The following TENM1 variants were observed in gnomAD, a reference collection of about 807,000 sequenced individuals.
TENM1 encodes teneurin transmembrane protein 1.
Under a neutral mutation model 174.8 loss-of-function variants are expected in TENM1, and 35 were observed. That is an observed-to-expected ratio of 0.20 (90% CI 0.15 to 0.27). The LOEUF (loss-of-function observed/expected upper bound fraction) is 0.27. Among genes scored for constraint, TENM1 ranks in the 10% least tolerant of loss-of-function variants. TENM1 has a pLI of 1.00. For missense variants in TENM1, 1,633 were observed against 2,130.1 expected (o/e 0.77, Z 4.59); for synonymous variants, 781 against 798.7 (o/e 0.98, Z 0.37).
At chrX:124,886,829 A>G (rs990515636) in intron 3 of TENM1, among the ~76,000 whole-genome samples, 11 of 107,080 alleles carry the variant, frequency 1.0e-4, no homozygotes, top group Non-Finnish European at 1.9e-4. Context: ...AAGTATGTCA[A>G]CAGGAAATTG....
chrX:125,097,740 G>A, the TENM1 span, among the ~76,000 whole-genome samples: 1 of 112,152 alleles, frequency 8.9e-6, no homozygotes, highest in Non-Finnish European at 1.9e-5. Flanking sequence ...TGCACAGATC[G>A]TTACAAAAAA....
At position 124,760,339 on chromosome X, in the gene TENM1, G is replaced by A. The variant is rs551582675; in HGVS notation, c.536-23142C>T. Among the ~76,000 whole-genome samples the A allele has an allele frequency of 2.7e-3, 299 of 111,824 alleles. 1 individual carries two copies. The highest frequency in any genetic ancestry group is 9.2e-3 in the African/African-American group (284 of 30,797). ...TGCAACACCAGTATGGTTGGTTTCC[G>A]GTGACGGCTCTATTCCTAGCTTGAA... On this transcript the variant is annotated intron_variant, in intron 3 of 31. Coordinates refer to ENST00000422452, the Ensembl canonical transcript of TENM1.
intron 11 of TENM1, among the ~76,000 whole-genome samples, chrX:124,570,939 C>T (rs945956529): frequency 9.0e-6 from 1 of 111,330 alleles, no homozygotes; most frequent in African/African-American, 3.3e-5. Flanking sequence ...AAAAAGGAAA[C>T]TTGTATAAAC....
At chrX:124,780,344 G>C (rs1372013838) in intron 3 of TENM1, among the ~76,000 whole-genome samples, 1 of 112,262 alleles carries the variant, frequency 8.9e-6, no homozygotes, top group Non-Finnish European at 1.9e-5. Context: ...AGTTCTGCTA[G>C]AGTAAGAGAA....
intron 22 of TENM1, among the ~76,000 whole-genome samples, chrX:124,474,970 G>A (rs1022910353): frequency 6.3e-5 from 7 of 111,509 alleles, no homozygotes; most frequent in African/African-American, 2.3e-4. Context: ...TATCAAACAT[G>A]TTTTTTTCAA....
chrX:124,621,688 C>T, intron 11 of TENM1, among the ~76,000 whole-genome samples: 1 of 111,998 alleles, frequency 8.9e-6, no homozygotes, highest in East Asian at 2.8e-4. Flanking sequence ...TGTTAGTGCG[C>T]AAAAAGTTTG....
exon 29 of TENM1, chrX:124,385,941 C>A: frequency 8.3e-7 from 1 of 1,208,477 alleles, no homozygotes; most frequent in Non-Finnish European, 1.1e-6. Context: ...CGGTAGTAGC[C>A]CACTGAAAGC....
the TENM1 span, among the ~76,000 whole-genome samples, chrX:125,193,519 G>T: frequency 1.6e-4 from 18 of 111,332 alleles, no homozygotes; most frequent in African/African-American, 5.9e-4. Flanking sequence ...CCTTGCGTCC[G>T]GTGTATTAGG....
chrX:124,538,965 G>C (rs965756293), intron 15 of TENM1, among the ~76,000 whole-genome samples: 2 of 111,641 alleles, frequency 1.8e-5, no homozygotes, highest in Non-Finnish European at 3.8e-5. Flanking sequence ...CATGAGTTAA[G>C]TGGTCTAAGG....
chrX:124,619,234 C>A (rs978492335), intron 11 of TENM1, among the ~76,000 whole-genome samples: 1 of 111,782 alleles, frequency 8.9e-6, no homozygotes, highest in African/African-American at 3.3e-5. Flanking sequence ...GACGGTAACC[C>A]CTAATATCTC....
At chrX:124,571,276 C>A (rs1408777771) in intron 11 of TENM1, among the ~76,000 whole-genome samples, 1 of 112,086 alleles carries the variant, frequency 8.9e-6, no homozygotes, top group Non-Finnish European at 1.9e-5. Flanking sequence ...TCAAAAATTA[C>A]ATTGGAATTA....
At chrX:125,081,876 G>A in the TENM1 span, among the ~76,000 whole-genome samples, 1 of 111,073 alleles carries the variant, frequency 9.0e-6, no homozygotes, top group African/African-American at 3.3e-5. Flanking sequence ...ATTATATTGA[G>A]TGAAATGAGA....
intron 18 of TENM1, among the ~76,000 whole-genome samples, chrX:124,518,317 G>T (rs1236631202): frequency 9.2e-6 from 1 of 108,623 alleles, no homozygotes; most frequent in East Asian, 2.9e-4. Context: ...AAAGAGCAAG[G>T]TGTTCAGGGA....
At chrX:124,854,354 G>C (rs1243254854) in intron 3 of TENM1, among the ~76,000 whole-genome samples, 1 of 110,843 alleles carries the variant, frequency 9.0e-6, no homozygotes, top group Non-Finnish European at 1.9e-5. Context: ...GGACTCAGGG[G>C]AAAGGGTAGG....
chrX:124,909,078 C>T (rs1361355598), intron 1 of TENM1, among the ~76,000 whole-genome samples: 3 of 111,867 alleles, frequency 2.7e-5, no homozygotes, highest in African/African-American at 9.7e-5. Flanking sequence ...AGGCTGGTCT[C>T]GAACTCCTGA....
chrX:124,644,478 T>C (rs1424936187), intron 10 of TENM1, among the ~76,000 whole-genome samples: 5 of 110,174 alleles, frequency 4.5e-5, no homozygotes, highest in African/African-American at 1.7e-4. Context: ...TTGAGGAATG[T>C]AGCATGAAAA....
chrX:125,064,042 C>G, the TENM1 span, among the ~76,000 whole-genome samples: 1 of 110,012 alleles, frequency 9.1e-6, no homozygotes, highest in Non-Finnish European at 1.9e-5. Context: ...CCATCATTCT[C>G]AGCAAACTAT....
chrX:125,086,710 T>G, the TENM1 span, among the ~76,000 whole-genome samples: 28 of 110,626 alleles, frequency 2.5e-4, 1 homozygote, highest in South Asian at 0.011. Flanking sequence ...AAAAGAAGAA[T>G]AAGAAACACT....
chrX:125,052,208 C>T, the TENM1 span, among the ~76,000 whole-genome samples: 2 of 111,229 alleles, frequency 1.8e-5, no homozygotes, highest in African/African-American at 6.5e-5. Context: ...AGCATGGTCC[C>T]ATGGGGGCGT....
Sources: allele counts gnomAD v4.1 joint callset (sites outside exome capture counted in the v4.1 genomes callset), GRCh38; gene constraint gnomAD v4.1.1; transcripts MANE v1.5; gene names NCBI Gene and HGNC (gene_info 2026-07-23, HGNC 2026-07-21).